Variants in UFL1 observed in about 807,000 individuals in gnomAD.
UFL1 encodes the protein E3 UFM1-protein ligase 1.
A neutral mutation model predicts 99.3 loss-of-function variants in UFL1; 78 were observed. The ratio of observed to expected loss-of-function variants is 0.79; its 90% confidence interval spans 0.65 to 0.95. UFL1 has a LOEUF of 0.95. Ranked by LOEUF, UFL1 falls within the 40% of genes least tolerant of loss-of-function variation. The pLI is 0.00. For synonymous variants in UFL1, 335 were observed against 322.2 expected, an observed-to-expected ratio of 1.04 and a Z score of -0.42; for missense variants, 936 against 937.0, an observed-to-expected ratio of 1.00 and a Z score of 0.01.
intron 12 of UFL1, among the ~76,000 whole-genome samples, chr6:96,543,420 AG>A (rs1371672607): frequency 9.9e-5 from 15 of 151,194 alleles, no homozygotes; most frequent in South Asian, 2.1e-4. Flanking sequence ...ATTGTCTCCC[AG>A]TGATAAACGC....
chr6:96,522,109 C>G (rs906870360), intron 1 of UFL1, among the ~76,000 whole-genome samples, 159 bp downstream of exon 1: 1 of 152,198 alleles, frequency 6.6e-6, no homozygotes, highest in African/African-American at 2.4e-5. Flanking sequence ...ATCGCAGTTC[C>G]AAGTCCAAGG....
At position 96,549,481 on chromosome 6, in the gene UFL1, G is replaced by A; in HGVS notation, c.1590G>A (p.Gly530=). Residue 530 remains glycine, a synonymous_variant, in exon 14 of 19, where the codon GGG becomes GGA. Coordinates refer to ENST00000369278, the MANE Select transcript of UFL1 (RefSeq NM_015323.5). ...VFMSSTTSAS[G]TGRKRTIKDL... is the part of the protein sequence containing the mutation. ...TGTCTTCAACAACTTCTGCTTCTGG[G>A]ACGGGCAGAAAACGCACAATCAAGG... The A allele has an allele frequency of 6.3e-7, 1 of 1,592,600 alleles. No homozygotes were observed. Among genetic ancestry groups the A allele is most frequent in the Admixed American group, 1.9e-5 (1 of 53,144 alleles).
Position 96,523,230 on chromosome 6 carries a change from G to A in UFL1, c.162G>A (p.Lys54=). 6.2e-7 allele frequency: 1 copy of A among 1,612,692 alleles called. No individual in the cohort carries two copies. Among genetic ancestry groups the A allele is most frequent in the East Asian group, 2.2e-5 (1 of 44,808 alleles). Reference sequence around the variant, plus strand: ...AAGTAGTTCATACACTCGATGGAAAGGAATATATTACTCCAGCCCAAATTA... The same window carrying A: ...AAGTAGTTCATACACTCGATGGAAAAGAATATATTACTCCAGCCCAAATTA... ...QLEVVHTLDG[K]EYITPAQISK... The change falls in exon 2 of 19, where the codon AAG becomes AAA. Residue 54 remains lysine (K), a synonymous_variant. Coordinates refer to ENST00000369278, the MANE Select transcript of UFL1 (RefSeq NM_015323.5).
chr6:96,537,417 C>T lies in UFL1; in HGVS notation c.846C>T (p.Ser282=). ...LSRLGIPDAV[S]YIKKRYKTTQ... ...GACTTGGAATCCCAGATGCTGTAAG[C>T]TACATAAAGAAAAGATATAAGACTA... Residue 282 remains serine, a synonymous_variant, in exon 9 of 19, where the codon AGC becomes AGT. Transcript: ENST00000369278. 1 of 1,600,408 alleles carries T rather than the reference C, an allele frequency of 6.2e-7. No homozygotes were observed. Among genetic ancestry groups the T allele is most frequent in the Non-Finnish European group, 8.5e-7 (1 of 1,174,618 alleles).
In UFL1 at chr6:96,534,140, T is replaced by A. The variant is rs1022819244; in HGVS notation, c.597-123T>A. 6 of 581,324 alleles carry A rather than the reference T, an allele frequency of 1.0e-5. No individual in the cohort carries two copies. In the Admixed American group the frequency reaches 2.6e-4, roughly 25 times the overall value. The allele number at this position is 581,324 out of a possible 1,614,324, so 36.0% of individuals were successfully genotyped here. A position where few individuals can be genotyped will look rare whatever the true frequency, so the allele number is the denominator to read the frequency against. On this transcript the variant is annotated intron_variant, in intron 6 of 18. Transcript: ENST00000369278. ...TAAGGATTTAAAATTTGGTGTAATTTTTGACTTTATTTTTTCTTTTAAACA... is the reference window on the plus strand; with the variant it reads ...TAAGGATTTAAAATTTGGTGTAATTATTGACTTTATTTTTTCTTTTAAACA...
At chr6:96,547,517 TC>T (rs1770017351) in intron 12 of UFL1, among the ~76,000 whole-genome samples, 1 of 151,600 alleles carries the variant, frequency 6.6e-6, no homozygotes, top group African/African-American at 2.4e-5. Flanking sequence ...ACACATATAC[TC>T]TTATGTTCTT....
intron 7 of UFL1, among the ~76,000 whole-genome samples, chr6:96,534,718 G>A (rs1769830377): frequency 1.3e-5 from 2 of 151,732 alleles, no homozygotes; most frequent in South Asian, 2.1e-4. Context: ...AGAGCTGATA[G>A]CAATAAAAGT....
chr6:96,521,861 G>T lies in UFL1; in HGVS notation c.-13G>T. On this transcript the variant is annotated 5_prime_UTR_variant, in exon 1 of 19. Coordinates refer to ENST00000369278, the MANE Select transcript of UFL1 (RefSeq NM_015323.5). Reference sequence around the variant, plus strand: ...TCTGCAGTTCCTCCGCGTCTACTGCGAGTCAGGCCGTGATGGCGGACGCCT... The same window carrying T: ...TCTGCAGTTCCTCCGCGTCTACTGCTAGTCAGGCCGTGATGGCGGACGCCT... 1 of 1,610,152 alleles carries T rather than the reference G, an allele frequency of 6.2e-7. No homozygotes were observed. Among genetic ancestry groups the T allele is most frequent in the Admixed American group, 1.7e-5 (1 of 59,756 alleles).
chr6:96,526,477 G>T, intron 5 of UFL1, 42 bp downstream of exon 5: 1 of 1,527,986 alleles, frequency 6.5e-7, no homozygotes, highest in Non-Finnish European at 9.0e-7. Flanking sequence ...TTTTACCAAA[G>T]GATTTTAAAC....
Position 96,553,555 on chromosome 6 carries a change from G to T in UFL1, c.*52G>T. ...GTAAGCATTTTCCCCCAAGGTTGAAGGTGAGTGGTCACAAAAAAGTAGTCA... is the reference window on the plus strand; with the variant it reads ...GTAAGCATTTTCCCCCAAGGTTGAATGTGAGTGGTCACAAAAAAGTAGTCA... On this transcript the variant is annotated 3_prime_UTR_variant, in exon 19 of 19. Transcript: ENST00000369278. 1 of 1,542,010 alleles carries T rather than the reference G, an allele frequency of 6.5e-7. No individual in the cohort carries two copies. Among genetic ancestry groups the T allele is most frequent in the Non-Finnish European group, 8.8e-7 (1 of 1,134,802 alleles).
chr6:96,536,989 A>G (rs1031979558), intron 8 of UFL1, among the ~76,000 whole-genome samples: 41 of 151,526 alleles, frequency 2.7e-4, no homozygotes, highest in African/African-American at 9.7e-4. Flanking sequence ...TATATATAAG[A>G]TATATATACA....
intron 10 of UFL1, 132 bp from the exon 11 acceptor site, chr6:96,540,403 A>G (rs578037899): frequency 1.7e-6 from 2 of 1,171,462 alleles, no homozygotes; most frequent in Non-Finnish European, 2.3e-6. Context: ...TTAGAGTGAC[A>G]GCTCTGAAAC....
At chr6:96,538,041 G>A (rs945086253) in intron 9 of UFL1, among the ~76,000 whole-genome samples, 11 of 151,666 alleles carry the variant, frequency 7.3e-5, no homozygotes, top group Admixed American at 1.3e-4. Context: ...TTTTCTAGTC[G>A]GGCCCAGACC....
rs187326958 is a variant in UFL1, at chr6:96,523,341, A to G, written c.223+50A>G. The G allele has an allele frequency of 9.9e-4, 1,506 of 1,515,822 alleles. 13 individuals carry two copies. In the African/African-American group the frequency reaches 0.02, roughly 20 times the overall value. 93.9% of individuals were successfully genotyped at this position (1,515,822 alleles called of 1,614,324 possible). A position where few individuals can be genotyped will look rare whatever the true frequency, so the allele number is the denominator to read the frequency against. Reference sequence around the variant, plus strand: ...TTTTTCTTGGATTTTTGGAAGGGGCAAAACAAACAAACAAAACCCGTAAAC... The same window carrying G: ...TTTTTCTTGGATTTTTGGAAGGGGCGAAACAAACAAACAAAACCCGTAAAC... On this transcript the variant is annotated intron_variant, in intron 2 of 18. Coordinates refer to ENST00000369278, the MANE Select transcript of UFL1 (RefSeq NM_015323.5).
chr6:96,533,918 A>T (rs1177777358), intron 6 of UFL1, among the ~76,000 whole-genome samples: 1 of 151,866 alleles, frequency 6.6e-6, no homozygotes, highest in African/African-American at 2.4e-5. Flanking sequence ...AAATGGAATC[A>T]TATGACATCC....
In UFL1 at chr6:96,536,131, A is replaced by G. The variant is rs528106774; in HGVS notation, c.656-113A>G. 75 of 1,034,556 alleles carry G rather than the reference A, an allele frequency of 7.2e-5. 1 individual carries two copies. The South Asian group carries it at 2.0e-3, about 28-fold the overall frequency. 64.1% of individuals were successfully genotyped at this position (1,034,556 alleles called of 1,614,324 possible). A position where few individuals can be genotyped will look rare whatever the true frequency, so the allele number is the denominator to read the frequency against. ...CCTTTATTTATGCTATTTCAACTTC[A>G]GATTGGTTTTTTAAAGGTTAAGAAT... On this transcript the variant is annotated intron_variant, in intron 7 of 18. Coordinates refer to ENST00000369278, the MANE Select transcript of UFL1 (RefSeq NM_015323.5).
At chr6:96,538,919 T>G (rs1769892621) in intron 10 of UFL1, 109 bp downstream of exon 10, 1 of 991,552 alleles carries the variant, frequency 1.0e-6, no homozygotes, top group South Asian at 2.9e-5. Flanking sequence ...TTGTATCATT[T>G]ATTATTTTCC....
At chr6:96,545,063 T>C (rs1026989630) in intron 12 of UFL1, among the ~76,000 whole-genome samples, 1 of 151,042 alleles carries the variant, frequency 6.6e-6, no homozygotes, top group Non-Finnish European at 1.5e-5. Flanking sequence ...ATAAAGGAAG[T>C]AAACAGGGAA....
chr6:96,539,540 GAGA>G (rs886188256), intron 10 of UFL1, among the ~76,000 whole-genome samples: 1 of 151,632 alleles, frequency 6.6e-6, no homozygotes, highest in African/African-American at 2.4e-5. Flanking sequence ...ATAAGCAGCA[GAGA>G]AGATTACAAA....
Sources: gnomAD v4.1 joint callset for allele counts (sites outside exome capture counted in the v4.1 genomes callset) on GRCh38, gnomAD v4.1.1 for gene constraint, MANE v1.5 for transcripts, NCBI Gene and HGNC (gene_info 2026-07-23, HGNC 2026-07-21) for gene names.